The following GLIS3 variants were observed in gnomAD, a reference collection of about 807,000 sequenced individuals.
GLIS3 encodes the protein zinc finger protein GLIS3.
In GLIS3, 53 loss-of-function variants were observed where a neutral mutation model predicts 78.6. The ratio of observed to expected loss-of-function variants is 0.67; its 90% CI spans 0.54 to 0.85. The LOEUF is 0.85. GLIS3 is among the 40% of genes least tolerant of loss of function. GLIS3 has a pLI of 0.00. For missense variants in GLIS3, 1,703 were observed against 1,231.1 expected, an observed-to-expected ratio of 1.38 and a Z score of -5.74; for synonymous variants, 684 against 509.9, an observed-to-expected ratio of 1.34 and a Z score of -4.60.
intron 2 of GLIS3, among the ~76,000 whole-genome samples, chr9:4,178,240 C>A (rs1324726581): frequency 6.6e-6 from 1 of 151,738 alleles, no homozygotes; most frequent in Admixed American, 6.6e-5. Context: ...GACAGCCCTG[C>A]CCCCAAAATT....
Position 4,263,535 on chromosome 9 carries a change from G to A in GLIS3, c.388+22503C>T, listed in dbSNP as rs144771333. 5.2e-4 allele frequency among the ~76,000 whole-genome samples: 79 copies of A among 151,794 alleles called. 2 individuals are homozygous for A. The East Asian group carries it at 0.015, about 29-fold the overall frequency. On this transcript the variant is annotated intron_variant, in intron 2 of 10. Transcript: ENST00000381971. ...GGCCAAAAAAAAAGGAGGAAATTCA[G>A]GTTTGTCAATTCATTCATTCATTCA...
intron 4 of GLIS3, among the ~76,000 whole-genome samples, chr9:4,068,834 A>ATGTG (rs56232754): frequency 1.4e-3 from 215 of 149,802 alleles, no homozygotes; most frequent in Middle Eastern, 6.8e-3. Flanking sequence ...GCATGTATGC[A>ATGTG]TGTGTGTGTG....
At chr9:4,483,702 AC>A in the GLIS3 span, among the ~76,000 whole-genome samples, 4,002 of 149,202 alleles carry the variant, frequency 0.027, 209 homozygotes, top group African/African-American at 0.093. Flanking sequence ...CCTGGGCAAC[AC>A]GAGTGAGACT....
the GLIS3 span, among the ~76,000 whole-genome samples, chr9:4,398,041 T>C: frequency 3.3e-5 from 5 of 152,026 alleles, no homozygotes; most frequent in African/African-American, 1.2e-4. Context: ...CAAAAAGACC[T>C]TGAGTCAATC....
intron 4 of GLIS3, among the ~76,000 whole-genome samples, chr9:4,057,995 C>CA (rs1454019112): frequency 6.6e-6 from 1 of 152,126 alleles, no homozygotes; most frequent in African/African-American, 2.4e-5. Flanking sequence ...TTTTAGAACT[C>CA]AAACATTTTC....
At chr9:4,054,551 G>C (rs930697495) in intron 4 of GLIS3, 4 of 941,126 alleles carry the variant, frequency 4.3e-6, no homozygotes, top group Non-Finnish European at 5.1e-6. Context: ...TGATCAGTGC[G>C]GAGCAGGTCA....
At chr9:3,917,794 C>T (rs190225392) in intron 6 of GLIS3, among the ~76,000 whole-genome samples, 30 of 152,266 alleles carry the variant, frequency 2.0e-4, no homozygotes, top group Non-Finnish European at 1.2e-4. Flanking sequence ...CCACAGAAAA[C>T]GGACATAGTT....
At chr9:3,858,629 AT>A (rs1376270356) in intron 8 of GLIS3, among the ~76,000 whole-genome samples, 1 of 152,192 alleles carries the variant, frequency 6.6e-6, no homozygotes, top group Admixed American at 6.5e-5. Flanking sequence ...GACACCCCAT[AT>A]AAAGTATTAA....
chr9:3,887,661 G>A (rs1822170599), intron 7 of GLIS3, among the ~76,000 whole-genome samples: 1 of 152,154 alleles, frequency 6.6e-6, no homozygotes, highest in Non-Finnish European at 1.5e-5. Flanking sequence ...GAGGATACAG[G>A]TTTATATGCT....
At chr9:3,837,345 T>A (rs1279899201) in intron 9 of GLIS3, among the ~76,000 whole-genome samples, 1 of 152,228 alleles carries the variant, frequency 6.6e-6, no homozygotes, top group African/African-American at 2.4e-5. Flanking sequence ...ACAGCCACTT[T>A]AGAAGACAGG....
intron 4 of GLIS3, among the ~76,000 whole-genome samples, chr9:3,982,838 G>A (rs11788491): frequency 6.6e-6 from 1 of 152,146 alleles, no homozygotes; most frequent in Non-Finnish European, 1.5e-5. Flanking sequence ...CAGCTACCCA[G>A]AAAGAAGGTA....
At chr9:4,139,922 G>A (rs1431960596) in intron 2 of GLIS3, among the ~76,000 whole-genome samples, 2 of 152,142 alleles carry the variant, frequency 1.3e-5, no homozygotes, top group African/African-American at 2.4e-5. Flanking sequence ...ACAGGTCCAC[G>A]GCCAGGCAGT....
chr9:3,895,433 A>G (rs550168659), intron 7 of GLIS3, among the ~76,000 whole-genome samples: 1 of 152,224 alleles, frequency 6.6e-6, no homozygotes, highest in Non-Finnish European at 1.5e-5. Context: ...TGAGCTCAGG[A>G]GCAGGCTTGG....
the GLIS3 span, among the ~76,000 whole-genome samples, chr9:4,422,574 C>T: frequency 1.3e-5 from 2 of 152,338 alleles, no homozygotes; most frequent in African/African-American, 4.8e-5. Flanking sequence ...ATATCAGTTA[C>T]ATATCTCTCC....
At chr9:4,058,885 G>C (rs1826377480) in intron 4 of GLIS3, among the ~76,000 whole-genome samples, 1 of 151,940 alleles carries the variant, frequency 6.6e-6, no homozygotes, top group African/African-American at 2.4e-5. Flanking sequence ...AGGAGGCTGA[G>C]GCAGGAGAAT....
chr9:3,860,680 T>C (rs977087170), intron 8 of GLIS3, among the ~76,000 whole-genome samples: 4 of 152,192 alleles, frequency 2.6e-5, no homozygotes, highest in Non-Finnish European at 5.9e-5. Context: ...GCTGGGTCTG[T>C]CTGTTACTAG....
chr9:4,140,305 C>A (rs929808733), intron 2 of GLIS3, among the ~76,000 whole-genome samples: 2 of 152,084 alleles, frequency 1.3e-5, no homozygotes, highest in African/African-American at 4.8e-5. Flanking sequence ...GCCTGGGTGA[C>A]AAAGTGAGAC....
chr9:3,874,812 T>C (rs1024054557), intron 8 of GLIS3, among the ~76,000 whole-genome samples: 5 of 152,258 alleles, frequency 3.3e-5, no homozygotes, highest in African/African-American at 9.6e-5. Context: ...TTGTTTTTTT[T>C]CCTTATATTT....
In GLIS3 at chr9:3,827,173, G is replaced by C. The variant is rs886574743; in HGVS notation, c.*1099C>G. 2 of 152,204 alleles carry C rather than the reference G, an allele frequency of 1.3e-5. No individual in the cohort carries two copies. The highest frequency in any genetic ancestry group is 4.8e-5 in the African/African-American group (2 of 41,448). 9.4% of individuals were successfully genotyped at this position (152,204 alleles called of 1,614,324 possible). A position where few individuals can be genotyped will look rare whatever the true frequency, so the allele number is the denominator to read the frequency against. ...GAGGGATGCAAAAAGAGGGTGGAGA[G>C]AAGTGTAGGGAAGAGACAGACAGAT... On this transcript the variant is annotated 3_prime_UTR_variant, in exon 11 of 11. Transcript: ENST00000381971.
Sources: gnomAD v4.1 joint callset for allele counts (sites outside exome capture counted in the v4.1 genomes callset) on GRCh38, gnomAD v4.1.1 for gene constraint, MANE v1.5 for transcripts, NCBI Gene and HGNC (gene_info 2026-07-23, HGNC 2026-07-21) for gene names.